EXOC6B: variants seen among roughly 807,000 people sequenced by gnomAD.
The protein encoded by EXOC6B is exocyst complex component 6B.
In EXOC6B, 54 loss-of-function variants were observed where a neutral mutation model predicts 113.5. The observed-to-expected ratio is 0.48, with a 90% CI of 0.38 to 0.60. The LOEUF (loss-of-function observed/expected upper bound fraction) is 0.60, where lower values mean the gene tolerates loss of function less well. Among genes scored for constraint, EXOC6B ranks in the 20% least tolerant of loss-of-function variants. The probability of loss-of-function intolerance (pLI) is 0.00; values close to 1 mark genes in which losing one functional copy is unlikely to be tolerated. For missense variants in EXOC6B, 797 were observed against 977.5 expected, an observed-to-expected ratio of 0.82 and a Z score of 2.46; for synonymous variants, 357 against 339.0, an observed-to-expected ratio of 1.05 and a Z score of -0.58.
intron 20 of EXOC6B, among the ~76,000 whole-genome samples, chr2:72,201,262 TA>T (rs1475661857): frequency 1.3e-5 from 2 of 152,180 alleles, no homozygotes; most frequent in Admixed American, 1.3e-4. Flanking sequence ...GAAGTATACT[TA>T]AATATACTAC....
intron 2 of EXOC6B, among the ~76,000 whole-genome samples, chr2:72,735,894 A>AT (rs1680922356): frequency 1.3e-5 from 2 of 152,006 alleles, no homozygotes; most frequent in Non-Finnish European, 2.9e-5. Flanking sequence ...ATGCGTAACA[A>AT]TAAAAAAAGG....
At chr2:72,558,725 T>C (rs1334020426) in intron 8 of EXOC6B, among the ~76,000 whole-genome samples, 1 of 151,738 alleles carries the variant, frequency 6.6e-6, no homozygotes. Flanking sequence ...GCCAAGATCA[T>C]GCCATTGCAC....
intron 20 of EXOC6B, among the ~76,000 whole-genome samples, chr2:72,259,789 G>A (rs1029701588): frequency 3.3e-5 from 5 of 151,164 alleles, no homozygotes; most frequent in Non-Finnish European, 5.9e-5. Context: ...AGTGGCTCAC[G>A]CTGGTAATCC....
chr2:72,202,511 C>T (rs1039125953), intron 20 of EXOC6B, among the ~76,000 whole-genome samples: 10 of 152,194 alleles, frequency 6.6e-5, no homozygotes, highest in Non-Finnish European at 1.5e-4. Flanking sequence ...TCCAGATTAG[C>T]ATTTATCCAC....
chr2:72,240,798 T>C lies in EXOC6B; in HGVS notation c.2197-56611A>G, dbSNP rs116364517. Among the ~76,000 whole-genome samples, 341 of 152,354 alleles carry C rather than the reference T, an allele frequency of 2.2e-3. 1 individual carries two copies. Among genetic ancestry groups the C allele is most frequent in the Non-Finnish European group, 4.1e-3 (281 of 68,022 alleles). On this transcript the variant is annotated intron_variant, in intron 20 of 21. Coordinates refer to ENST00000272427, the MANE Select transcript of EXOC6B (RefSeq NM_015189.3). The stretch of plus-strand genomic sequence containing the variant: ...ATGACAACTAGTTTCTATTCTAGCA[T>C]ATAAGAGGCTTAGAATTTGTCACTA...
chr2:72,669,346 A>G (rs12105339), intron 6 of EXOC6B, among the ~76,000 whole-genome samples: 1 of 151,516 alleles, frequency 6.6e-6, no homozygotes, highest in Non-Finnish European at 1.5e-5. Context: ...AAGATGATTC[A>G]CTTAAAAAAA....
chr2:72,618,657 C>A (rs1671551435), intron 6 of EXOC6B, among the ~76,000 whole-genome samples: 1 of 152,124 alleles, frequency 6.6e-6, no homozygotes, highest in African/African-American at 2.4e-5. Flanking sequence ...TATGAGCCTG[C>A]AATACCATGT....
chr2:72,608,307 A>G (rs1670870826), intron 6 of EXOC6B, among the ~76,000 whole-genome samples: 2 of 152,174 alleles, frequency 1.3e-5, no homozygotes. Context: ...AAAATAAGGA[A>G]CAAACAATAA....
chr2:72,614,033 C>T (rs1342418884), intron 6 of EXOC6B, among the ~76,000 whole-genome samples: 2 of 152,114 alleles, frequency 1.3e-5, no homozygotes, highest in African/African-American at 2.4e-5. Flanking sequence ...ACCACAAAAG[C>T]ACAGTTGGAT....
chr2:72,616,670 C>T (rs1671403235), intron 6 of EXOC6B, among the ~76,000 whole-genome samples: 1 of 152,020 alleles, frequency 6.6e-6, no homozygotes, highest in Non-Finnish European at 1.5e-5. Flanking sequence ...TGGGAAAGAC[C>T]CGCCTCCATG....
chr2:72,283,724 T>C (rs1350474756), intron 20 of EXOC6B, among the ~76,000 whole-genome samples: 4 of 152,102 alleles, frequency 2.6e-5, no homozygotes, highest in African/African-American at 4.8e-5. Flanking sequence ...CAGGAGAAAC[T>C]AGTCAACCAA....
Position 72,480,723 on chromosome 2 carries a change from G to A in EXOC6B, c.1693C>T (p.His565Tyr). 2.5e-6 allele frequency: 4 copies of A among 1,599,754 alleles called. No homozygotes were observed. Among genetic ancestry groups the A allele is most frequent in the Non-Finnish European group, 3.4e-6 (4 of 1,172,270 alleles). ...ELVQIIINTT[H>Y]LEKSCKYLEE... is the part of the protein sequence containing the mutation. ...AAGTACTTACAGGATTTCTCCAAATGTGTTGTATTGATAATAATCTGAACA... is the reference window on the plus strand; with the variant it reads ...AAGTACTTACAGGATTTCTCCAAATATGTTGTATTGATAATAATCTGAACA... Residue 565 changes from histidine (H) to tyrosine (Y), a missense_variant, in exon 17 of 22, where the codon CAT becomes TAT. His to Tyr is a moderately conservative substitution (Grantham distance 83). Transcript: ENST00000272427.
At chr2:72,360,676 G>A (rs1690256657) in intron 19 of EXOC6B, among the ~76,000 whole-genome samples, 1 of 152,036 alleles carries the variant, frequency 6.6e-6, no homozygotes, top group Non-Finnish European at 1.5e-5. Context: ...GGAAACACAG[G>A]ACTATAATGA....
intron 18 of EXOC6B, among the ~76,000 whole-genome samples, chr2:72,387,438 A>G (rs1289374116): frequency 6.6e-6 from 1 of 152,194 alleles, no homozygotes; most frequent in Non-Finnish European, 1.5e-5. Context: ...AGAATTTACT[A>G]GTGAAGAAAT....
At chr2:72,247,080 C>T (rs948236083) in intron 20 of EXOC6B, among the ~76,000 whole-genome samples, 3 of 152,166 alleles carry the variant, frequency 2.0e-5, no homozygotes, top group African/African-American at 7.2e-5. Context: ...GTAACAAAAT[C>T]TGCTACCTAG....
At chr2:72,809,250 A>T (rs561674055) in intron 1 of EXOC6B, among the ~76,000 whole-genome samples, 1 of 152,358 alleles carries the variant, frequency 6.6e-6, no homozygotes, top group South Asian at 2.1e-4. Flanking sequence ...ATTAAATGTA[A>T]ATGGTTTAAA....
intron 6 of EXOC6B, among the ~76,000 whole-genome samples, chr2:72,668,309 A>C (rs1675541502): frequency 6.6e-6 from 1 of 152,208 alleles, no homozygotes; most frequent in Admixed American, 6.5e-5. Flanking sequence ...TTTATACACT[A>C]TAGGTGGAAA....
chr2:72,728,254 G>T (rs1419806000), intron 5 of EXOC6B, among the ~76,000 whole-genome samples: 1 of 152,114 alleles, frequency 6.6e-6, no homozygotes, highest in Non-Finnish European at 1.5e-5. Context: ...CATCACCTAG[G>T]AACGTGGCAG....
In EXOC6B at chr2:72,424,184, T is replaced by C. The variant is rs1458888102; in HGVS notation, c.1980+40976A>G. ...TAAGTTAATATTACACAATTCTTGA[T>C]AATTTACACAAAATTCATCTGTGAA... is the stretch of plus-strand genomic sequence containing the variant. On this transcript the variant is annotated intron_variant, in intron 18 of 21. Coordinates refer to ENST00000272427, the MANE Select transcript of EXOC6B (RefSeq NM_015189.3). Among the ~76,000 whole-genome samples the C allele has an allele frequency of 3.3e-5, 5 of 152,312 alleles. 1 individual carries two copies. Among genetic ancestry groups the C allele is most frequent in the Admixed American group, 3.3e-4 (5 of 15,310 alleles).
Sources: allele counts gnomAD v4.1 joint callset (sites outside exome capture counted in the v4.1 genomes callset), GRCh38; gene constraint gnomAD v4.1.1; transcripts MANE v1.5; gene names NCBI Gene and HGNC (gene_info 2026-07-23, HGNC 2026-07-21).